Variants in GNAO1 observed in about 807,000 individuals in gnomAD.
The protein encoded by GNAO1 is G protein subunit alpha o1, also known as guanine nucleotide-binding protein G(o) subunit alpha.
For synonymous variants in GNAO1, 164 were observed against 180.7 expected (o/e 0.91, Z 0.74); for missense variants, 166 against 478.7 (o/e 0.35, Z 6.10).
chr16:56,345,464 A>G (rs2037856942), intron 6 of GNAO1: 4 of 985,546 alleles, frequency 4.1e-6, no homozygotes, highest in African/African-American at 1.7e-5. Context: ...ACCAGTGCCA[A>G]CAGCTCTGGA....
At chr16:56,194,154 A>G (rs1190761) in intron 2 of GNAO1, 440,229 of 456,506 alleles carry the variant, frequency 0.96, 212,423 homozygotes, top group African/African-American at 0.99. Context: ...TCTTATTTTT[A>G]TTCGAGAGCT....
chr16:56,295,915 T>C (rs574330245), intron 3 of GNAO1, among the ~76,000 whole-genome samples: 2 of 152,370 alleles, frequency 1.3e-5, no homozygotes, highest in South Asian at 4.1e-4. Context: ...TCCTTGGTTA[T>C]AAATAACAGG....
chr16:56,218,237 A>G (rs1477949372), intron 2 of GNAO1, among the ~76,000 whole-genome samples: 3 of 152,124 alleles, frequency 2.0e-5, no homozygotes, highest in African/African-American at 4.8e-5. Flanking sequence ...TACTGAGTAG[A>G]GCTGCTCTCT....
chr16:56,225,425 T>C (rs1210985935), intron 2 of GNAO1, among the ~76,000 whole-genome samples: 1 of 152,170 alleles, frequency 6.6e-6, no homozygotes, highest in African/African-American at 2.4e-5. Flanking sequence ...ACTTGCCCAG[T>C]TTTACAGAAG....
intron 2 of GNAO1, among the ~76,000 whole-genome samples, chr16:56,207,495 T>C (rs1349807176): frequency 6.6e-6 from 1 of 152,232 alleles, no homozygotes; most frequent in Non-Finnish European, 1.5e-5. Flanking sequence ...TTTTTCTGAT[T>C]CTAGGTGTGT....
At chr16:56,308,810 G>A (rs1349522399) in intron 3 of GNAO1, among the ~76,000 whole-genome samples, 1 of 152,150 alleles carries the variant, frequency 6.6e-6, no homozygotes, top group Non-Finnish European at 1.5e-5. Context: ...CCCTCATGGA[G>A]TGGAGAGGGA....
At chr16:56,327,499 C>T (rs1035926049) in intron 3 of GNAO1, among the ~76,000 whole-genome samples, 9 of 152,052 alleles carry the variant, frequency 5.9e-5, no homozygotes, top group African/African-American at 1.9e-4. Flanking sequence ...GTTCTGAGGA[C>T]GGAGTGTGTT....
intron 3 of GNAO1, among the ~76,000 whole-genome samples, chr16:56,319,978 A>T (rs2037555195): frequency 6.6e-6 from 1 of 152,090 alleles, no homozygotes; most frequent in African/African-American, 2.4e-5. Context: ...TGAGCCATTT[A>T]TTTGTCAACA....
At chr16:56,345,528 C>T (rs552003909) in intron 6 of GNAO1, 1 of 984,740 alleles carries the variant, frequency 1.0e-6, no homozygotes, top group Non-Finnish European at 1.2e-6. Context: ...GACCCAGGAA[C>T]CTTCCCTAGT....
chr16:56,348,346 AG>A (rs2037892251), intron 6 of GNAO1: 1 of 224,946 alleles, frequency 4.4e-6, no homozygotes, highest in African/African-American at 2.3e-5. Flanking sequence ...ACAGAGGATC[AG>A]GGCGACTGGG....
intron 2 of GNAO1, among the ~76,000 whole-genome samples, chr16:56,223,552 A>G (rs2036509724): frequency 6.6e-6 from 1 of 152,184 alleles, no homozygotes; most frequent in Non-Finnish European, 1.5e-5. Flanking sequence ...AGTTCCAGGG[A>G]TTAGGATGTG....
At chr16:56,301,642 G>A (rs2037344840) in intron 3 of GNAO1, 1 of 151,768 alleles carries the variant, frequency 6.6e-6, no homozygotes, top group African/African-American at 2.4e-5. Flanking sequence ...GTTTTGTTTT[G>A]GTGAGTTCTT....
At chr16:56,319,800 C>T (rs1171311013) in intron 3 of GNAO1, among the ~76,000 whole-genome samples, 3 of 152,112 alleles carry the variant, frequency 2.0e-5, no homozygotes, top group East Asian at 1.9e-4. Context: ...ATGCTCCCCA[C>T]CCCTCTCAAT....
At chr16:56,273,405 A>G (rs888829193) in intron 2 of GNAO1, among the ~76,000 whole-genome samples, 4 of 151,962 alleles carry the variant, frequency 2.6e-5, no homozygotes, top group African/African-American at 9.7e-5. Context: ...TTCTTTCCTC[A>G]TTATGTTCAT....
chr16:56,246,700 C>G (rs868004074), intron 2 of GNAO1, among the ~76,000 whole-genome samples: 2 of 152,126 alleles, frequency 1.3e-5, no homozygotes, highest in Non-Finnish European at 2.9e-5. Flanking sequence ...GTCCATGTTC[C>G]CCGTCATGTG....
rs1181465653 is a variant in GNAO1 at position 56,308,946 on chromosome 16, CTT to C, written c.304-19684_304-19683del. Among the ~76,000 whole-genome samples the C allele has an allele frequency of 1.4e-4, 21 of 151,978 alleles. 1 individual carries two copies. Among genetic ancestry groups the C allele is most frequent in the African/African-American group, 4.8e-4 (20 of 41,456 alleles). ...CACCTTTTCATCAGGTCAAGTCTAA[CTT>C]GGGGTGAAGGGTACAGACTTTCCTT... On this transcript the variant is annotated intron_variant, in intron 3 of 8. Coordinates refer to ENST00000262493, the MANE Select transcript of GNAO1 (RefSeq NM_020988.3).
intron 3 of GNAO1, among the ~76,000 whole-genome samples, chr16:56,316,236 G>A (rs1219171043): frequency 1.3e-5 from 2 of 152,134 alleles, no homozygotes; most frequent in East Asian, 1.9e-4. Flanking sequence ...CACAGAAAAC[G>A]TGAATGTCCC....
intron 3 of GNAO1, among the ~76,000 whole-genome samples, chr16:56,286,339 G>A (rs1182654589): frequency 6.6e-6 from 1 of 152,162 alleles, no homozygotes; most frequent in Non-Finnish European, 1.5e-5. Context: ...TGCAAGTGAT[G>A]GAAGATACAA....
intron 2 of GNAO1, among the ~76,000 whole-genome samples, chr16:56,262,686 A>C (rs1485756190): frequency 6.6e-6 from 1 of 152,206 alleles, no homozygotes; most frequent in Non-Finnish European, 1.5e-5. Flanking sequence ...ATAATGTACT[A>C]ATAGGAATAC....
Sources: allele counts gnomAD v4.1 joint callset (sites outside exome capture counted in the v4.1 genomes callset), GRCh38; gene constraint gnomAD v4.1.1; transcripts MANE v1.5; gene names NCBI Gene and HGNC (gene_info 2026-07-23, HGNC 2026-07-21).